The following RTTN variants were observed in gnomAD, a reference collection of about 807,000 sequenced individuals.
RTTN encodes rotatin.
Under a neutral mutation model 269.2 loss-of-function variants are expected in RTTN, and 182 were observed. The observed-to-expected ratio is 0.68, with a 90% CI of 0.60 to 0.76. The LOEUF (loss-of-function observed/expected upper bound fraction) is 0.76, where lower values mean the gene tolerates loss of function less well. RTTN is among the 30% of genes least tolerant of loss of function. The probability of loss-of-function intolerance (pLI) is 0.00; values close to 1 mark genes in which losing one functional copy is unlikely to be tolerated. For synonymous variants in RTTN, 1,006 were observed against 963.5 expected (o/e 1.04, Z -0.82); for missense variants, 2,545 against 2,608.6 (o/e 0.98, Z 0.53).
chr18:70,172,316 A>G (rs982516548), intron 11 of RTTN, among the ~76,000 whole-genome samples: 2 of 152,200 alleles, frequency 1.3e-5, no homozygotes, highest in East Asian at 3.8e-4. Flanking sequence ...TTATTTTCCA[A>G]CATCCAAACT....
chr18:70,063,374 T>G lies in RTTN; in HGVS notation c.4747+2455A>C, dbSNP rs139784825. Among the ~76,000 whole-genome samples the G allele has an allele frequency of 3.9e-3, 589 of 152,342 alleles. 1 individual carries two copies. Among genetic ancestry groups the G allele is most frequent in the Non-Finnish European group, 6.2e-3 (422 of 68,028 alleles). On this transcript the variant is annotated intron_variant, in intron 35 of 48. Transcript: ENST00000640769. The stretch of plus-strand genomic sequence containing the variant: ...GGCTACTTTTAGGTCCTTTGTGAAT[T>G]ATCTTTTCATGTTTTCTGCTCATTT...
intron 28 of RTTN, among the ~76,000 whole-genome samples, chr18:70,104,693 G>GT (rs899038437): frequency 6.6e-6 from 1 of 152,204 alleles, no homozygotes; most frequent in Non-Finnish European, 1.5e-5. Context: ...TGTCCTTTCT[G>GT]TTTGTTAGTT....
In RTTN at chr18:70,147,953, G is replaced by A. The variant is rs12458200; in HGVS notation, c.2309+948C>T. ...AGACAACCCCTGAGAACACAAGCAC[G>A]TTAACTCCCTCTGCCCTACTTCTTC... On this transcript the variant is annotated intron_variant, in intron 17 of 48. Transcript: ENST00000640769. Among the ~76,000 whole-genome samples, 126,375 of 152,116 alleles carry A rather than the reference G, an allele frequency of 0.83. 55,605 individuals carry two copies. Among genetic ancestry groups the A allele is most frequent in the East Asian group, 1 (5,162 of 5,168 alleles).
intron 28 of RTTN, among the ~76,000 whole-genome samples, chr18:70,108,355 T>G (rs1599587606): frequency 6.6e-6 from 1 of 151,854 alleles, no homozygotes; most frequent in African/African-American, 2.4e-5. Flanking sequence ...TGTTTCACGA[T>G]CAAATTCTAC....
intron 28 of RTTN, among the ~76,000 whole-genome samples, chr18:70,101,002 C>T (rs1037052486): frequency 3.3e-5 from 5 of 152,156 alleles, no homozygotes; most frequent in African/African-American, 9.7e-5. Flanking sequence ...AGGATTTTTG[C>T]ACTGATGTTC....
At chr18:70,176,200 G>GCTGTAT (rs1555773833) in intron 11 of RTTN, among the ~76,000 whole-genome samples, 1 of 137,602 alleles carries the variant, frequency 7.3e-6, no homozygotes, top group African/African-American at 2.9e-5. Flanking sequence ...TGTAGATGTA[G>GCTGTAT]ATGTATATGT....
intron 11 of RTTN, among the ~76,000 whole-genome samples, chr18:70,170,832 T>C (rs1317589839): frequency 2.0e-5 from 3 of 152,038 alleles, no homozygotes; most frequent in Non-Finnish European, 4.4e-5. Context: ...GGTATTCAGA[T>C]TCTGTATAGG....
intron 30 of RTTN, among the ~76,000 whole-genome samples, chr18:70,090,617 G>A (rs1342776460): frequency 1.3e-5 from 2 of 152,140 alleles, no homozygotes; most frequent in Non-Finnish European, 2.9e-5. Context: ...ATTCTTCAAT[G>A]AAAAGAATGA....
chr18:70,147,891 G>A (rs144817998), intron 17 of RTTN, among the ~76,000 whole-genome samples: 25 of 152,200 alleles, frequency 1.6e-4, no homozygotes, highest in African/African-American at 5.5e-4. Flanking sequence ...ACACTAGCAT[G>A]TTAATTAACA....
At chr18:70,197,083 T>G (rs745683477) in intron 6 of RTTN, among the ~76,000 whole-genome samples, 14 of 152,192 alleles carry the variant, frequency 9.2e-5, no homozygotes, top group Non-Finnish European at 1.0e-4. Flanking sequence ...GTATTAACAG[T>G]TGGCACCCAC....
intron 28 of RTTN, among the ~76,000 whole-genome samples, chr18:70,102,761 G>A (rs2059203968): frequency 6.6e-6 from 1 of 152,190 alleles, no homozygotes; most frequent in Admixed American, 6.5e-5. Flanking sequence ...TTGTAAGGCA[G>A]GCCTGATGGT....
chr18:70,057,429 A>G (rs1328079029), intron 37 of RTTN, among the ~76,000 whole-genome samples: 2 of 152,212 alleles, frequency 1.3e-5, no homozygotes, highest in Non-Finnish European at 2.9e-5. Flanking sequence ...AGAAGCAGGA[A>G]GTGAACTATA....
At chr18:70,189,942 GAAC>G (rs1283477688) in intron 9 of RTTN, among the ~76,000 whole-genome samples, 1 of 152,080 alleles carries the variant, frequency 6.6e-6, no homozygotes, top group African/African-American at 2.4e-5. Flanking sequence ...TAGTACATCT[GAAC>G]AAAAATGGGA....
intron 28 of RTTN, among the ~76,000 whole-genome samples, chr18:70,107,892 G>A (rs1373967679): frequency 6.6e-6 from 1 of 152,168 alleles, no homozygotes; most frequent in Non-Finnish European, 1.5e-5. Context: ...TTAAAAATTA[G>A]ATAAAAAGTT....
intron 14 of RTTN, among the ~76,000 whole-genome samples, chr18:70,155,087 T>C (rs2060639566): frequency 6.6e-6 from 1 of 152,192 alleles, no homozygotes; most frequent in Non-Finnish European, 1.5e-5. Flanking sequence ...GCCTTCAACT[T>C]TCAAAGGCAC....
At chr18:70,085,250 G>A (rs558028802) in intron 32 of RTTN, among the ~76,000 whole-genome samples, 2 of 152,222 alleles carry the variant, frequency 1.3e-5, no homozygotes, top group Non-Finnish European at 2.9e-5. Context: ...TTACAACATG[G>A]AAAGTAGATA....
chr18:70,087,646 A>G (rs1282012639), intron 31 of RTTN, among the ~76,000 whole-genome samples: 1 of 152,228 alleles, frequency 6.6e-6, no homozygotes, highest in Non-Finnish European at 1.5e-5. Flanking sequence ...AGTTATTTTG[A>G]CAGCCTCTTA....
chr18:70,175,045 C>CAAAAAAAAAAAAA (rs5825998), intron 11 of RTTN, among the ~76,000 whole-genome samples: 114 of 86,622 alleles, frequency 1.3e-3, no homozygotes, highest in Non-Finnish European at 1.7e-3. Context: ...AAACCAAAAC[C>CAAAAAAAAAAAAA]AAAAAAAAAA....
At chr18:70,125,589 C>T (rs113458722) in intron 25 of RTTN, among the ~76,000 whole-genome samples, 7 of 152,026 alleles carry the variant, frequency 4.6e-5, no homozygotes, top group African/African-American at 1.7e-4. Context: ...CAGGTATGAA[C>T]ATGCTTCTCT....
Sources: gnomAD v4.1 joint callset for allele counts (sites outside exome capture counted in the v4.1 genomes callset) on GRCh38, gnomAD v4.1.1 for gene constraint, MANE v1.5 for transcripts, NCBI Gene and HGNC (gene_info 2026-07-23, HGNC 2026-07-21) for gene names.